ANK2: variants seen among roughly 807,000 people sequenced by gnomAD.
ANK2 encodes the protein ankyrin 2, also known as ankyrin-2.
Under a neutral mutation model 360.5 loss-of-function variants are expected in ANK2, and 83 were observed. The observed-to-expected ratio is 0.23, with a 90% CI of 0.19 to 0.28. The LOEUF (loss-of-function observed/expected upper bound fraction) is 0.28, where lower values mean the gene tolerates loss of function less well. Among genes scored for constraint, ANK2 ranks in the 10% least tolerant of loss-of-function variants. ANK2 has a pLI of 1.00. For missense variants in ANK2, 4,201 were observed against 4,795.7 expected, an observed-to-expected ratio of 0.88 and a Z score of 3.66; for synonymous variants, 1,740 against 1,759.5, an observed-to-expected ratio of 0.99 and a Z score of 0.28.
At chr4:113,173,877 C>A (rs1232905412) in intron 1 of ANK2, 4 of 158,840 alleles carry the variant, frequency 2.5e-5, no homozygotes, top group African/African-American at 9.6e-5. Context: ...CCTCAAAGCA[C>A]CCTCGGAGCT....
chr4:112,834,450 T>C (rs1320216093), intron 1 of ANK2, among the ~76,000 whole-genome samples: 1 of 152,244 alleles, frequency 6.6e-6, no homozygotes, highest in Admixed American at 6.5e-5. Flanking sequence ...TATATCATTT[T>C]CTCTGCTCTT....
At chr4:113,360,676 A>G in intron 38 of ANK2, 147 bp from the exon 39 acceptor site, 1 of 734,290 alleles carries the variant, frequency 1.4e-6, no homozygotes, top group South Asian at 1.5e-5. Flanking sequence ...CCCAGAAATC[A>G]GACACACAAT....
intron 38 of ANK2, among the ~76,000 whole-genome samples, chr4:113,360,430 A>G (rs2096131944): frequency 1.3e-5 from 2 of 151,984 alleles, no homozygotes; most frequent in African/African-American, 2.4e-5. Flanking sequence ...TCCACAAGCA[A>G]TAATAGGAGG....
intron 24 of ANK2, among the ~76,000 whole-genome samples, chr4:113,315,694 C>T (rs536865975): frequency 3.7e-4 from 57 of 152,044 alleles, no homozygotes; most frequent in South Asian, 8.3e-4. Flanking sequence ...GTCAGGAGAT[C>T]GAGACCATCC....
chr4:113,374,999 C>A, intron 45 of ANK2: 1 of 973,634 alleles, frequency 1.0e-6, no homozygotes, highest in Non-Finnish European at 1.3e-6. Context: ...TGTTGCTTTG[C>A]ATTTGAAAAG....
At chr4:113,372,136 C>T (rs575544081) in intron 43 of ANK2, among the ~76,000 whole-genome samples, 6 of 152,254 alleles carry the variant, frequency 3.9e-5, no homozygotes, top group African/African-American at 1.4e-4. Flanking sequence ...GTGAATAATT[C>T]CAAGCCTAAG....
At chr4:113,206,949 G>A (rs936287346) in intron 4 of ANK2, among the ~76,000 whole-genome samples, 1 of 152,114 alleles carries the variant, frequency 6.6e-6, no homozygotes, top group African/African-American at 2.4e-5. Flanking sequence ...ATTTGAACCT[G>A]GGAGGCAGAG....
chr4:112,733,237 TA>T, the ANK2 span, among the ~76,000 whole-genome samples: 20 of 151,620 alleles, frequency 1.3e-4, no homozygotes, highest in South Asian at 1.7e-3. Context: ...TAATAATACA[TA>T]AAAAAAATAA....
intron 43 of ANK2, among the ~76,000 whole-genome samples, chr4:113,372,249 A>T (rs766961261): frequency 6.6e-6 from 1 of 152,202 alleles, no homozygotes; most frequent in Non-Finnish European, 1.5e-5. Flanking sequence ...TCACATGAGC[A>T]AGCTGCTTTT....
intron 9 of ANK2, among the ~76,000 whole-genome samples, chr4:113,249,096 A>G (rs2044619211): frequency 6.6e-6 from 1 of 152,220 alleles, no homozygotes; most frequent in Non-Finnish European, 1.5e-5. Flanking sequence ...CAGTTCTGCC[A>G]TATTTTATTT....
intron 2 of ANK2, among the ~76,000 whole-genome samples, chr4:113,196,052 C>T (rs1384563087): frequency 6.6e-6 from 1 of 151,890 alleles, no homozygotes; most frequent in Non-Finnish European, 1.5e-5. Flanking sequence ...TTATTTTGTG[C>T]CAGTACAATA....
chr4:113,287,311 T>TGAAA (rs2065158084), intron 18 of ANK2, among the ~76,000 whole-genome samples: 1 of 152,230 alleles, frequency 6.6e-6, no homozygotes, highest in South Asian at 2.1e-4. Context: ...ACATGCCATT[T>TGAAA]GAAAGCTTAT....
rs186228166 is a variant in ANK2 at position 112,848,255 on chromosome 4, G to A, written c.-40+29991G>A. Among the ~76,000 whole-genome samples the A allele has an allele frequency of 7.8e-4, 118 of 152,214 alleles. 1 individual carries two copies. Among genetic ancestry groups the A allele is most frequent in the African/African-American group, 2.6e-3 (109 of 41,524 alleles). ...TTCACCTGTAGCTTCCACCTCCTGG[G>A]TTCAAGCGATTCTCCTGCCTCAGCT... On this transcript the variant is annotated intron_variant, in intron 1 of 30. Transcript: ENST00000503271.
intron 1 of ANK2, among the ~76,000 whole-genome samples, chr4:113,133,694 G>A: frequency 6.6e-6 from 1 of 152,136 alleles, no homozygotes; most frequent in East Asian, 1.9e-4. Context: ...GCTGTGCAAT[G>A]CTATATACTG....
At chr4:113,099,708 A>G (rs937860407) in intron 1 of ANK2, among the ~76,000 whole-genome samples, 1 of 152,058 alleles carries the variant, frequency 6.6e-6, no homozygotes, top group African/African-American at 2.4e-5. Context: ...GAGGACTGAC[A>G]CTACCCAACT....
At chr4:113,237,774 A>G in intron 7 of ANK2, 152 bp downstream of exon 7, 1 of 722,150 alleles carries the variant, frequency 1.4e-6, no homozygotes. Context: ...AGGCAAACTG[A>G]TAATTCAAAG....
At chr4:113,072,739 A>AT (rs1350350703) in intron 1 of ANK2, among the ~76,000 whole-genome samples, 1 of 105,598 alleles carries the variant, frequency 9.5e-6, no homozygotes, top group Non-Finnish European at 2.0e-5. Flanking sequence ...GACACTTGGC[A>AT]TAATTTTTTT....
At chr4:112,888,563 A>T (rs1427882059) in intron 1 of ANK2, among the ~76,000 whole-genome samples, 6 of 151,914 alleles carry the variant, frequency 3.9e-5, no homozygotes, top group Non-Finnish European at 8.8e-5. Context: ...GAAAATTTTT[A>T]ATTTTGATAT....
intron 1 of ANK2, among the ~76,000 whole-genome samples, chr4:113,062,438 C>T (rs1299750000): frequency 6.6e-6 from 1 of 152,066 alleles, no homozygotes; most frequent in Non-Finnish European, 1.5e-5. Flanking sequence ...GATTTTGGAT[C>T]TCATTAAATT....
Sources: allele counts gnomAD v4.1 joint callset (sites outside exome capture counted in the v4.1 genomes callset), GRCh38; gene constraint gnomAD v4.1.1; transcripts MANE v1.5; gene names NCBI Gene and HGNC (gene_info 2026-07-23, HGNC 2026-07-21).